RBFOX1: variants seen among roughly 807,000 people sequenced by gnomAD.
RBFOX1 encodes the protein RNA binding protein fox-1 homolog 1.
RBFOX1 carries 8 observed loss-of-function variants against 57.7 expected under a neutral mutation model. That is an observed-to-expected ratio of 0.14 (90% CI 0.08 to 0.25). RBFOX1 has a LOEUF of 0.25. Among genes scored for constraint, RBFOX1 ranks in the 10% least tolerant of loss-of-function variants. RBFOX1 has a pLI of 1.00. For missense variants in RBFOX1, 611 were observed against 548.5 expected (o/e 1.11, Z -1.14); for synonymous variants, 326 against 222.4 (o/e 1.47, Z -4.15).
chr16:5,559,078 A>G (rs149532941), intron 2 of RBFOX1, among the ~76,000 whole-genome samples: 49 of 150,418 alleles, frequency 3.3e-4, no homozygotes, highest in African/African-American at 9.0e-4. Context: ...GCCTGAGGAA[A>G]CCTGAGATTT....
intron 11 of RBFOX1, among the ~76,000 whole-genome samples, chr16:7,645,917 G>A (rs1053965394): frequency 2.0e-5 from 3 of 151,500 alleles, no homozygotes; most frequent in South Asian, 2.1e-4. Flanking sequence ...TGACCGAAAG[G>A]ATGGAAGCTT....
intron 3 of RBFOX1, among the ~76,000 whole-genome samples, chr16:6,850,409 G>T (rs544749665): frequency 6.6e-6 from 1 of 152,284 alleles, no homozygotes; most frequent in Non-Finnish European, 1.5e-5. Context: ...GCTTCTCTGA[G>T]GAGGTGATGT....
intron 3 of RBFOX1, among the ~76,000 whole-genome samples, chr16:6,968,131 C>T (rs1215171306): frequency 6.6e-6 from 1 of 152,102 alleles, no homozygotes; most frequent in Non-Finnish European, 1.5e-5. Flanking sequence ...CCCGCACAGA[C>T]ACCACCGCTA....
intron 3 of RBFOX1, among the ~76,000 whole-genome samples, chr16:6,898,801 G>C (rs2067639055): frequency 1.3e-5 from 2 of 151,658 alleles, no homozygotes; most frequent in Admixed American, 6.6e-5. Context: ...GTGCGTGTCT[G>C]TATAACGTGC....
At chr16:6,546,650 C>G (rs1460102121) in intron 2 of RBFOX1, among the ~76,000 whole-genome samples, 1 of 152,224 alleles carries the variant, frequency 6.6e-6, no homozygotes, top group Non-Finnish European at 1.5e-5. Flanking sequence ...ATCCACCTTA[C>G]TGACCTCATC....
At chr16:6,232,870 G>T (rs890952922) in intron 1 of RBFOX1, among the ~76,000 whole-genome samples, 1 of 152,132 alleles carries the variant, frequency 6.6e-6, no homozygotes, top group African/African-American at 2.4e-5. Flanking sequence ...CTCAACTTCT[G>T]CACATGTAGC....
chr16:7,602,271 A>G (rs2095064595), intron 9 of RBFOX1, among the ~76,000 whole-genome samples: 1 of 152,204 alleles, frequency 6.6e-6, no homozygotes, highest in South Asian at 2.1e-4. Context: ...GTGCAAATTC[A>G]GATGTGGCCC....
rs151177772 is a variant in RBFOX1, at chr16:6,824,983, G to GTTTTTTTTTTTTTTTTTTTTTTT, written c.-16+170342_-16+170364dup. Among the ~76,000 whole-genome samples the GTTTTTTTTTTTTTTTTTTTTTTT allele has an allele frequency of 7.9e-4, 29 of 36,910 alleles. 9 individuals carry two copies. The highest frequency in any genetic ancestry group is 1.5e-3 in the Non-Finnish European group (26 of 16,928). The allele number at this position is 36,910 out of a possible 152,430, so 24.2% of individuals were successfully genotyped here. A position where few individuals can be genotyped will look rare whatever the true frequency, so the allele number is the denominator to read the frequency against. On this transcript the variant is annotated intron_variant, in intron 3 of 15. Coordinates refer to ENST00000550418, the MANE Select transcript of RBFOX1 (RefSeq NM_018723.4). ...GGATTTCTTTTTTCTTTCTTTCTTG[G>GTTTTTTTTTTTTTTTTTTTTTTT]TTTTTTTTTTTTTTTTTTTTTTTTT...
chr16:5,435,260 G>C (rs2067881050), intron 1 of RBFOX1, among the ~76,000 whole-genome samples: 1 of 152,180 alleles, frequency 6.6e-6, no homozygotes, highest in African/African-American at 2.4e-5. Context: ...AAACTGATAT[G>C]TGCAAACAGC....
At chr16:5,272,710 T>C (rs1291926882) in intron 1 of RBFOX1, among the ~76,000 whole-genome samples, 1 of 152,204 alleles carries the variant, frequency 6.6e-6, no homozygotes, top group African/African-American at 2.4e-5. Context: ...TGCTTGGTGT[T>C]GGCCAACTCA....
At chr16:6,069,804 T>G (rs1313370370) in intron 1 of RBFOX1, among the ~76,000 whole-genome samples, 1 of 152,038 alleles carries the variant, frequency 6.6e-6, no homozygotes, top group Non-Finnish European at 1.5e-5. Flanking sequence ...CTGGCCAACA[T>G]GGTGAAACCC....
At position 6,573,123 on chromosome 16, in the gene RBFOX1, T is replaced by C. The variant is rs56261759; in HGVS notation, c.-63-81480T>C. On this transcript the variant is annotated intron_variant, in intron 2 of 15. Coordinates refer to ENST00000550418, the MANE Select transcript of RBFOX1 (RefSeq NM_018723.4). ...CCTAGACCATGGGCACTGCAGATTT[T>C]TGCACCTTTTGTAGAGGCAGGGTTT... is the stretch of plus-strand genomic sequence containing the variant. 9.1e-3 allele frequency among the ~76,000 whole-genome samples: 1,386 copies of C among 152,248 alleles called. 15 individuals are homozygous for C. Among genetic ancestry groups the C allele is most frequent in the Non-Finnish European group, 0.012 (850 of 68,010 alleles).
intron 4 of RBFOX1, among the ~76,000 whole-genome samples, chr16:7,235,214 G>T (rs1378742673): frequency 6.6e-6 from 1 of 152,200 alleles, no homozygotes; most frequent in Non-Finnish European, 1.5e-5. Context: ...CCTTAGAAAG[G>T]AGAGAATAGC....
chr16:5,994,388 C>A (rs2060456783), intron 4 of RBFOX1, among the ~76,000 whole-genome samples: 1 of 152,194 alleles, frequency 6.6e-6, no homozygotes, highest in East Asian at 1.9e-4. Flanking sequence ...TCTCGAACTC[C>A]TGGCCTTGGG....
chr16:7,003,311 T>C (rs2093001601), intron 3 of RBFOX1, among the ~76,000 whole-genome samples: 1 of 151,850 alleles, frequency 6.6e-6, no homozygotes, highest in South Asian at 2.1e-4. Context: ...AGTGCAAAAA[T>C]TAGCTGGGCG....
intron 1 of RBFOX1, among the ~76,000 whole-genome samples, chr16:5,339,470 G>GTTTTTTGTTTTTTTTTTTTTTT (rs2064982780): frequency 2.4e-5 from 1 of 40,854 alleles, no homozygotes; most frequent in African/African-American, 8.2e-5. Flanking sequence ...CTTTTTCCGT[G>GTTTTTTGTTTTTTTTTTTTTTT]TTTTTTTTTT....
intron 4 of RBFOX1, among the ~76,000 whole-genome samples, chr16:7,462,207 A>T (rs866568769): frequency 6.6e-6 from 1 of 152,198 alleles, no homozygotes. Context: ...TATTTACATG[A>T]TTGCATTTGT....
chr16:6,418,126 A>C (rs1000055574), intron 2 of RBFOX1, among the ~76,000 whole-genome samples: 17 of 152,222 alleles, frequency 1.1e-4, no homozygotes, highest in South Asian at 2.1e-4. Context: ...CTAAGGACTT[A>C]CTGGGGAGTG....
intron 2 of RBFOX1, among the ~76,000 whole-genome samples, chr16:6,556,669 T>A (rs894599161): frequency 6.6e-6 from 1 of 152,176 alleles, no homozygotes; most frequent in African/African-American, 2.4e-5. Flanking sequence ...GGCCAAATTG[T>A]TTTGTTATAA....
Sources: gnomAD v4.1 joint callset for allele counts (sites outside exome capture counted in the v4.1 genomes callset) on GRCh38, gnomAD v4.1.1 for gene constraint, MANE v1.5 for transcripts, NCBI Gene and HGNC (gene_info 2026-07-23, HGNC 2026-07-21) for gene names.